SOX6: variants seen among roughly 807,000 people sequenced by gnomAD.
SOX6 encodes the protein SRY-box transcription factor 6.
A neutral mutation model predicts 97.8 loss-of-function variants in SOX6; 11 were observed. The ratio of observed to expected loss-of-function variants is 0.11; its 90% CI spans 0.07 to 0.19. The LOEUF is 0.19. Ranked by LOEUF, SOX6 falls within the 10% of genes least tolerant of loss-of-function variation. SOX6 has a pLI of 1.00. For synonymous variants in SOX6, 360 were observed against 371.4 expected, an observed-to-expected ratio of 0.97 and a Z score of 0.35; for missense variants, 810 against 1,039.5, an observed-to-expected ratio of 0.78 and a Z score of 3.04.
intron 3 of SOX6, among the ~76,000 whole-genome samples, chr11:16,701,391 G>C (rs1848092101): frequency 6.6e-6 from 1 of 152,098 alleles, no homozygotes; most frequent in African/African-American, 2.4e-5. Flanking sequence ...AACTGGTAGA[G>C]AAAAAGTACT....
At chr11:16,541,041 T>C (rs903904653) in intron 4 of SOX6, among the ~76,000 whole-genome samples, 4 of 152,122 alleles carry the variant, frequency 2.6e-5, no homozygotes, top group Non-Finnish European at 5.9e-5. Flanking sequence ...AGAACAAAGA[T>C]GGAAGCATCA....
At chr11:16,579,355 T>C (rs183505712) in intron 4 of SOX6, among the ~76,000 whole-genome samples, 2 of 152,156 alleles carry the variant, frequency 1.3e-5, no homozygotes, top group African/African-American at 4.8e-5. Flanking sequence ...TGAGTTTTTA[T>C]ATACGTATTC....
chr11:16,529,167 T>C (rs1021431755), intron 4 of SOX6, among the ~76,000 whole-genome samples: 4 of 152,116 alleles, frequency 2.6e-5, no homozygotes, highest in Non-Finnish European at 5.9e-5. Flanking sequence ...ATTGTTGATA[T>C]TATTAATTCA....
intron 4 of SOX6, among the ~76,000 whole-genome samples, chr11:16,503,633 G>C (rs571472160): frequency 1.3e-5 from 2 of 152,270 alleles, no homozygotes; most frequent in Admixed American, 6.5e-5. Context: ...AAGTCAGCAG[G>C]AGTAGCTATA....
At chr11:16,470,236 T>C (rs1860116393) in intron 1 of SOX6, among the ~76,000 whole-genome samples, 3 of 152,130 alleles carry the variant, frequency 2.0e-5, no homozygotes, top group African/African-American at 7.2e-5. Context: ...TTGTGGATTT[T>C]CACAGCTCAT....
At chr11:16,099,395 T>C (rs1336169120) in intron 7 of SOX6, among the ~76,000 whole-genome samples, 1 of 151,774 alleles carries the variant, frequency 6.6e-6, no homozygotes, top group African/African-American at 2.4e-5. Context: ...TTGGTAGATA[T>C]CAAGTTTTAA....
At chr11:16,032,540 A>G (rs1417109898) in intron 12 of SOX6, among the ~76,000 whole-genome samples, 1 of 152,148 alleles carries the variant, frequency 6.6e-6, no homozygotes, top group Non-Finnish European at 1.5e-5. Flanking sequence ...TGTGTAACAG[A>G]TTGACTGTCT....
chr11:16,166,855 T>C (rs1307097808), intron 6 of SOX6, among the ~76,000 whole-genome samples: 1 of 152,042 alleles, frequency 6.6e-6, no homozygotes, highest in Non-Finnish European at 1.5e-5. Context: ...AAAGTATGAG[T>C]CGTGTTCTGA....
intron 4 of SOX6, 102 bp downstream of exon 4, chr11:16,234,480 T>C (rs1852955917): frequency 2.9e-6 from 2 of 701,304 alleles, no homozygotes; most frequent in Middle Eastern, 2.7e-4. Flanking sequence ...AAATGTTACA[T>C]GTAAGATTTA....
chr11:16,284,831 T>C (rs945429755), intron 3 of SOX6, among the ~76,000 whole-genome samples: 6 of 152,152 alleles, frequency 3.9e-5, no homozygotes, highest in African/African-American at 1.4e-4. Context: ...CAAATTCTTG[T>C]CCCATGTGCC....
intron 6 of SOX6, among the ~76,000 whole-genome samples, chr11:16,159,742 T>A (rs1374225284): frequency 1.3e-5 from 2 of 152,178 alleles, no homozygotes; most frequent in Non-Finnish European, 2.9e-5. Flanking sequence ...CTCCATTCTA[T>A]TGACATTTAT....
chr11:16,062,273 C>CAA (rs1024411844), intron 9 of SOX6, among the ~76,000 whole-genome samples: 3 of 149,432 alleles, frequency 2.0e-5, no homozygotes, highest in African/African-American at 4.9e-5. Context: ...TAGTTAATAA[C>CAA]AAAAAAAAAC....
At chr11:16,148,982 C>A (rs1015830932) in intron 6 of SOX6, among the ~76,000 whole-genome samples, 1 of 152,136 alleles carries the variant, frequency 6.6e-6, no homozygotes, top group Admixed American at 6.6e-5. Context: ...ACTCATTTGT[C>A]TCCACGTTGT....
intron 6 of SOX6, among the ~76,000 whole-genome samples, chr11:16,112,444 G>A (rs912239583): frequency 1.3e-5 from 2 of 152,104 alleles, no homozygotes; most frequent in African/African-American, 2.4e-5. Flanking sequence ...TAGCTCTTCA[G>A]ATTTAAGGCT....
intron 1 of SOX6, among the ~76,000 whole-genome samples, chr11:16,446,879 C>T (rs1193182023): frequency 1.3e-5 from 2 of 151,620 alleles, no homozygotes; most frequent in Non-Finnish European, 2.9e-5. Context: ...TGTTTTCCTT[C>T]CTTCCTTTCT....
At chr11:16,491,557 G>C (rs4396254) in intron 4 of SOX6, among the ~76,000 whole-genome samples, 27,743 of 151,732 alleles carry the variant, frequency 0.18, 2,548 homozygotes, top group African/African-American at 0.22. Flanking sequence ...AATATAGTAA[G>C]TTCATTTTGA....
intron 7 of SOX6, among the ~76,000 whole-genome samples, chr11:16,098,102 A>C (rs1298004979): frequency 6.6e-6 from 1 of 151,816 alleles, no homozygotes; most frequent in Admixed American, 6.6e-5. Flanking sequence ...AGAGTCCAAA[A>C]AGGGCTCTGA....
intron 4 of SOX6, among the ~76,000 whole-genome samples, chr11:16,219,131 C>T (rs1852462942): frequency 6.6e-6 from 1 of 151,972 alleles, no homozygotes; most frequent in African/African-American, 2.4e-5. Context: ...CTAAGAGCTA[C>T]CAACTTGTGT....
chr11:16,711,246 C>T (rs1178978231), intron 3 of SOX6, among the ~76,000 whole-genome samples: 1 of 152,162 alleles, frequency 6.6e-6, no homozygotes, highest in Non-Finnish European at 1.5e-5. Flanking sequence ...TTACAGCAGG[C>T]CAGGCACAGT....
Sources: gnomAD v4.1 joint callset for allele counts (sites outside exome capture counted in the v4.1 genomes callset) on GRCh38, gnomAD v4.1.1 for gene constraint, MANE v1.5 for transcripts, NCBI Gene and HGNC (gene_info 2026-07-23, HGNC 2026-07-21) for gene names.